PKNOX2: variants seen among roughly 807,000 people sequenced by gnomAD.
PKNOX2 encodes the protein homeobox protein PKNOX2.
A neutral mutation model predicts 53.1 loss-of-function variants in PKNOX2; 14 were observed. The observed-to-expected ratio is 0.26, with a 90% CI of 0.17 to 0.41. PKNOX2 has a LOEUF of 0.41. PKNOX2 is among the 10% of genes least tolerant of loss of function. PKNOX2 has a pLI of 1.00. For synonymous variants in PKNOX2, 257 were observed against 242.8 expected, an observed-to-expected ratio of 1.06 and a Z score of -0.54; for missense variants, 496 against 602.8, an observed-to-expected ratio of 0.82 and a Z score of 1.85.
chr11:125,295,210 C>T (rs553231460), intron 2 of PKNOX2, among the ~76,000 whole-genome samples: 2 of 152,254 alleles, frequency 1.3e-5, no homozygotes, highest in East Asian at 1.9e-4. Context: ...CTAGGACAAC[C>T]GTGATGCCCC....
chr11:125,319,430 C>T (rs1244611154), intron 2 of PKNOX2, among the ~76,000 whole-genome samples: 9 of 152,184 alleles, frequency 5.9e-5, no homozygotes, highest in Non-Finnish European at 8.8e-5. Context: ...TAAACTTGCT[C>T]AATGCGGTGT....
intron 6 of PKNOX2, among the ~76,000 whole-genome samples, chr11:125,387,762 T>C (rs1591552254): frequency 6.6e-6 from 1 of 152,088 alleles, no homozygotes; most frequent in East Asian, 1.9e-4. Context: ...TCCATCTACT[T>C]GGGTGCACCT....
At chr11:125,168,342 T>C (rs1289055118) in intron 1 of PKNOX2, among the ~76,000 whole-genome samples, 2 of 152,234 alleles carry the variant, frequency 1.3e-5, no homozygotes, top group Non-Finnish European at 2.9e-5. Context: ...GTCATAACCA[T>C]TTAAACTGTG....
chr11:125,209,696 G>A (rs528712999), intron 1 of PKNOX2, among the ~76,000 whole-genome samples: 6 of 151,956 alleles, frequency 3.9e-5, no homozygotes, highest in African/African-American at 9.7e-5. Flanking sequence ...GGAGGATGAC[G>A]ACAAGGGAGG....
chr11:125,236,268 C>A (rs940036370), intron 2 of PKNOX2, among the ~76,000 whole-genome samples: 1 of 152,096 alleles, frequency 6.6e-6, no homozygotes, highest in Non-Finnish European at 1.5e-5. Flanking sequence ...CGGGCCTGGG[C>A]TCCCAGGGCA....
chr11:125,233,277 TCAGA>T (rs1269117149), intron 1 of PKNOX2, among the ~76,000 whole-genome samples: 14 of 152,240 alleles, frequency 9.2e-5, no homozygotes, highest in Admixed American at 9.2e-4. Flanking sequence ...CACAGGTGTC[TCAGA>T]CAGACAGTCC....
intron 5 of PKNOX2, among the ~76,000 whole-genome samples, chr11:125,369,729 G>A (rs1318557147): frequency 6.6e-6 from 1 of 152,220 alleles, no homozygotes; most frequent in Non-Finnish European, 1.5e-5. Context: ...GGAATGGGGA[G>A]ATGAGACTGC....
At chr11:125,326,593 CCT>C (rs1949832839) in intron 2 of PKNOX2, among the ~76,000 whole-genome samples, 1 of 152,158 alleles carries the variant, frequency 6.6e-6, no homozygotes, top group Non-Finnish European at 1.5e-5. Flanking sequence ...CCAAAGAGCC[CCT>C]CTCTTTCTAG....
intron 10 of PKNOX2, among the ~76,000 whole-genome samples, chr11:125,424,839 C>A (rs1388723813): frequency 1.3e-5 from 2 of 152,168 alleles, no homozygotes; most frequent in Non-Finnish European, 2.9e-5. Context: ...CCTTCTGAAC[C>A]AGCCCCTGGG....
chr11:125,262,932 T>G lies in PKNOX2; in HGVS notation c.-130+27817T>G, dbSNP rs550651884. On this transcript the variant is annotated intron_variant, in intron 2 of 12. Transcript: ENST00000298282. The stretch of plus-strand genomic sequence containing the variant: ...TCCTAGTGCTCCTTTTGTTCAGTCA[T>G]CGGCGCCCCTCGCCCTCCCCGAGGT... Among the ~76,000 whole-genome samples, 111 of 152,300 alleles carry G rather than the reference T, an allele frequency of 7.3e-4. 1 individual carries two copies. In the South Asian group the frequency reaches 0.011, roughly 15 times the overall value.
chr11:125,224,853 A>G (rs1213736902), intron 1 of PKNOX2, among the ~76,000 whole-genome samples: 2 of 152,178 alleles, frequency 1.3e-5, no homozygotes, highest in Non-Finnish European at 2.9e-5. Flanking sequence ...TTATGAAACA[A>G]TATTCAGGAC....
At chr11:125,298,324 G>T (rs1947798146) in intron 2 of PKNOX2, among the ~76,000 whole-genome samples, 1 of 152,194 alleles carries the variant, frequency 6.6e-6, no homozygotes, top group Non-Finnish European at 1.5e-5. Flanking sequence ...ACCACCTTGT[G>T]TATGCGTCAC....
At chr11:125,262,349 G>A (rs573798981) in intron 2 of PKNOX2, among the ~76,000 whole-genome samples, 1 of 152,290 alleles carries the variant, frequency 6.6e-6, no homozygotes, top group East Asian at 1.9e-4. Flanking sequence ...GCAGCCACGC[G>A]TGAGGATGGA....
chr11:125,340,322 A>G (rs1015603915), intron 3 of PKNOX2, among the ~76,000 whole-genome samples: 2 of 152,152 alleles, frequency 1.3e-5, no homozygotes, highest in East Asian at 1.9e-4. Flanking sequence ...CCAACTCTAA[A>G]CTGGCAGCTT....
At chr11:125,171,495 G>A (rs1955318552) in intron 1 of PKNOX2, among the ~76,000 whole-genome samples, 1 of 152,124 alleles carries the variant, frequency 6.6e-6, no homozygotes, top group Non-Finnish European at 1.5e-5. Flanking sequence ...TAACATCTTC[G>A]ATCCAGTTAC....
intron 1 of PKNOX2, among the ~76,000 whole-genome samples, chr11:125,203,189 C>T (rs1828658356): frequency 6.6e-6 from 1 of 152,172 alleles, no homozygotes; most frequent in Non-Finnish European, 1.5e-5. Context: ...CTGATCATGG[C>T]TCACTGCAGC....
chr11:125,410,216 C>G lies in PKNOX2; in HGVS notation c.609C>G (p.Pro203=). 6.2e-7 allele frequency: 1 copy of G among 1,614,022 alleles called. No individual in the cohort carries two copies. The highest frequency in any genetic ancestry group is 8.5e-7 in the Non-Finnish European group (1 of 1,179,960). Residue 203 remains proline, a synonymous_variant, in exon 8 of 13, where the codon CCC becomes CCG. Transcript: ENST00000298282. ...LHSQDLLQNS[P]NSMSGVSNNP... ...GCCAGGACCTCCTGCAGAATTCCCC[C>G]AATTCCATGTCCGGAGTCTCCAATA...
intron 1 of PKNOX2, among the ~76,000 whole-genome samples, chr11:125,189,472 T>C (rs1291536645): frequency 1.5e-4 from 19 of 124,668 alleles, no homozygotes; most frequent in Non-Finnish European, 2.4e-4. Flanking sequence ...TATATATATA[T>C]ATATATATAT....
chr11:125,285,624 CAACAGTAGTAGA>C (rs1174405332), intron 2 of PKNOX2, among the ~76,000 whole-genome samples: 1 of 152,168 alleles, frequency 6.6e-6, no homozygotes, highest in African/African-American at 2.4e-5. Context: ...AATTCAGTAA[CAACAGTAGTAGA>C]GGTGACTGCA....
Sources: allele counts gnomAD v4.1 joint callset (sites outside exome capture counted in the v4.1 genomes callset), GRCh38; gene constraint gnomAD v4.1.1; transcripts MANE v1.5; gene names NCBI Gene and HGNC (gene_info 2026-07-23, HGNC 2026-07-21).